NOP58: variants seen among roughly 807,000 people sequenced by gnomAD.
NOP58 encodes the protein nucleolar protein 58.
A neutral mutation model predicts 71.2 loss-of-function variants in NOP58; 44 were observed. The ratio of observed to expected loss-of-function variants is 0.62; its 90% confidence interval spans 0.49 to 0.79. The LOEUF (loss-of-function observed/expected upper bound fraction) is 0.79. NOP58 is among the 30% of genes least tolerant of loss of function. The pLI, the probability that NOP58 is intolerant of heterozygous loss-of-function variation, is 0.00. For missense variants in NOP58, 538 were observed against 620.2 expected, an observed-to-expected ratio of 0.87 and a Z score of 1.41; for synonymous variants, 228 against 200.3, an observed-to-expected ratio of 1.14 and a Z score of -1.17.
chr2:202,275,906 C>T (rs1331974894), intron 2 of NOP58, among the ~76,000 whole-genome samples: 1 of 152,078 alleles, frequency 6.6e-6, no homozygotes, highest in Non-Finnish European at 1.5e-5. Flanking sequence ...TGACCTCAGG[C>T]GATCCGCCTG....
chr2:202,267,188 A>G (rs1277692414), intron 1 of NOP58, among the ~76,000 whole-genome samples: 1 of 152,218 alleles, frequency 6.6e-6, no homozygotes, highest in African/African-American at 2.4e-5. Flanking sequence ...AATGAAAAAT[A>G]AAGTTTTTAT....
chr2:202,273,769 C>T (rs1688545535), intron 1 of NOP58, among the ~76,000 whole-genome samples: 1 of 152,182 alleles, frequency 6.6e-6, no homozygotes, highest in South Asian at 2.1e-4. Flanking sequence ...TTGGTGAAAC[C>T]CAGTCTCTAC....
At chr2:202,270,706 A>G (rs1688499836) in intron 1 of NOP58, among the ~76,000 whole-genome samples, 1 of 152,090 alleles carries the variant, frequency 6.6e-6, no homozygotes, top group African/African-American at 2.4e-5. Flanking sequence ...GCTGTGATTG[A>G]GCCTCTGCAC....
intron 2 of NOP58, among the ~76,000 whole-genome samples, chr2:202,277,726 G>T (rs1164197748): frequency 6.6e-6 from 1 of 152,042 alleles, no homozygotes; most frequent in East Asian, 1.9e-4. Context: ...TTCCTCCAAA[G>T]CCTACAACTT....
At chr2:202,275,405 A>C in intron 2 of NOP58, 1 of 446,626 alleles carries the variant, frequency 2.2e-6, no homozygotes, top group Non-Finnish European at 4.1e-6. Context: ...CCCCTTACCC[A>C]CAGGGATTAT....
In NOP58 at chr2:202,302,086, T is replaced by TC. The variant is rs1343714490; in HGVS notation, c.1403-835_1403-834insC. ...CTTTTCTTTTTCTTTTTTTTTTCTT[T>TC]TTTTTTTTTTTTTTTTTTTGAGACA... On this transcript the variant is annotated intron_variant, in intron 13 of 14. Transcript: ENST00000264279. Among the ~76,000 whole-genome samples, 153 of 110,862 alleles carry TC rather than the reference T, an allele frequency of 1.4e-3. 1 individual carries two copies. Among genetic ancestry groups the TC allele is most frequent in the South Asian group, 4.6e-3 (11 of 2,372 alleles). 72.7% of individuals were successfully genotyped at this position (110,862 alleles called of 152,430 possible). A position where few individuals can be genotyped will look rare whatever the true frequency, so the allele number is the denominator to read the frequency against.
intron 1 of NOP58, among the ~76,000 whole-genome samples, chr2:202,269,183 A>AT (rs1184509507): frequency 6.8e-6 from 1 of 147,782 alleles, no homozygotes; most frequent in African/African-American, 2.5e-5. Flanking sequence ...GTATTTATTT[A>AT]TTTTTTGAGA....
In NOP58 at chr2:202,265,851, C is replaced by G; in HGVS notation, c.-91C>G. The G allele has an allele frequency of 6.7e-7, 1 of 1,486,286 alleles. No individual in the cohort carries two copies. The highest frequency in any genetic ancestry group is 9.4e-7 in the Non-Finnish European group (1 of 1,068,226). The allele number at this position is 1,486,286 out of a possible 1,614,324, so 92.1% of individuals were successfully genotyped here. On this transcript the variant is annotated 5_prime_UTR_variant, in exon 1 of 15. Transcript: ENST00000264279. ...GCATTTGTGCTTTGCCCGCCGCGGC[C>G]TAGGAGGCCTTTTGAGGCCGCGTAG...
intron 12 of NOP58, 135 bp downstream of exon 12, chr2:202,298,041 T>G: frequency 1.8e-6 from 1 of 566,160 alleles, no homozygotes; most frequent in Non-Finnish European, 3.1e-6. Flanking sequence ...AAATTGTGTA[T>G]GTTTATTGTG....
intron 1 of NOP58, among the ~76,000 whole-genome samples, chr2:202,267,203 ATTC>A (rs1688432026): frequency 6.6e-6 from 1 of 152,210 alleles, no homozygotes; most frequent in African/African-American, 2.4e-5. Flanking sequence ...TTTTATGTAT[ATTC>A]TACATATATA....
chr2:202,274,430 C>T (rs1688557510), intron 1 of NOP58, among the ~76,000 whole-genome samples: 1 of 122,432 alleles, frequency 8.2e-6, no homozygotes, highest in African/African-American at 3.3e-5. Context: ...TTTGTAGAGA[C>T]GGGGTTTCTC....
intron 1 of NOP58, among the ~76,000 whole-genome samples, chr2:202,269,741 A>AAAAAAAAG (rs556588026): frequency 1.3e-5 from 2 of 151,716 alleles, no homozygotes; most frequent in South Asian, 2.1e-4. Flanking sequence ...ACTCCGTCTC[A>AAAAAAAAG]AAAAAAAGAA....
rs755833701 is a variant in NOP58, at chr2:202,292,806, G to C, written c.810G>C (p.Gln270His). ...TTGAAATCTCTGAATATCGAACCCA[G>C]CTCTATGAATATCTACAAAATCGAA... ...QVIEISEYRT[Q>H]LYEYLQNRMM... The change falls in exon 9 of 15, where the codon CAG becomes CAC. Residue 270 changes from glutamine (Q) to histidine (H), a missense_variant. Coordinates refer to ENST00000264279, the MANE Select transcript of NOP58 (RefSeq NM_015934.5). 2 of 1,612,492 alleles carry C rather than the reference G, an allele frequency of 1.2e-6. No homozygotes were observed. The highest frequency in any genetic ancestry group is 3.3e-5 in the Admixed American group (2 of 59,974).
Position 202,292,833 on chromosome 2 carries a change from G to C in NOP58, c.837G>C (p.Met279Ile), listed in dbSNP as rs1297719450. 3.7e-6 allele frequency: 6 copies of C among 1,613,120 alleles called. No individual in the cohort carries two copies. Among genetic ancestry groups the C allele is most frequent in the South Asian group, 1.1e-5 (1 of 91,070 alleles). ...TCTATGAATATCTACAAAATCGAAT[G>C]ATGGCCATTGCACCCAATGTTACAG... ...TQLYEYLQNR[M>I]MAIAPNVTVM... The change falls in exon 9 of 15, where the codon ATG becomes ATC. Residue 279 changes from methionine to isoleucine, a missense_variant. By Grantham distance (10) the Met-to-Ile change is conservative. Coordinates refer to ENST00000264279, the MANE Select transcript of NOP58 (RefSeq NM_015934.5).
chr2:202,291,968 C>CTTTTTTTTTTTTTTT (rs869075798), intron 8 of NOP58, among the ~76,000 whole-genome samples: 3 of 43,946 alleles, frequency 6.8e-5, no homozygotes, highest in African/African-American at 1.9e-4. Flanking sequence ...TGCTCAGAAT[C>CTTTTTTTTTTTTTTT]TTTTTTTTTT....
intron 1 of NOP58, among the ~76,000 whole-genome samples, chr2:202,271,457 C>T (rs919956890): frequency 8.0e-5 from 12 of 150,278 alleles, no homozygotes; most frequent in African/African-American, 2.9e-4. Context: ...ATCCCAGCTA[C>T]TTGGGAGGCT....
intron 13 of NOP58, among the ~76,000 whole-genome samples, chr2:202,302,410 T>G (rs1041020714): frequency 2.6e-5 from 4 of 152,174 alleles, no homozygotes; most frequent in Non-Finnish European, 4.4e-5. Flanking sequence ...TGTCTAATGA[T>G]AGCTATGTGT....
rs916060094 is a variant in NOP58 at position 202,292,531 on chromosome 2, C to G, written c.781-246C>G. Reference sequence around the variant, plus strand: ...CGGGCCCCTGTAGTCCCAGCTACTCCAGAGGCTGAGGCAGGAGAATCACTT... The same window carrying G: ...CGGGCCCCTGTAGTCCCAGCTACTCGAGAGGCTGAGGCAGGAGAATCACTT... On this transcript the variant is annotated intron_variant, in intron 8 of 14. Transcript: ENST00000264279. Among the ~76,000 whole-genome samples the G allele has an allele frequency of 7.1e-4, 107 of 151,686 alleles. 6 individuals carry two copies. The highest frequency in any genetic ancestry group is 7.4e-5 in the Non-Finnish European group (5 of 67,922).
intron 6 of NOP58, among the ~76,000 whole-genome samples, chr2:202,288,643 A>G (rs898389198): frequency 2.0e-5 from 3 of 151,592 alleles, no homozygotes; most frequent in Non-Finnish European, 4.4e-5. Flanking sequence ...GTGAAACCCG[A>G]TCTTTAGTAA....
Sources: allele counts gnomAD v4.1 joint callset (sites outside exome capture counted in the v4.1 genomes callset), GRCh38; gene constraint gnomAD v4.1.1; transcripts MANE v1.5; gene names NCBI Gene and HGNC (gene_info 2026-07-23, HGNC 2026-07-21).